The following FOXP1 variants were observed in gnomAD, a reference collection of about 807,000 sequenced individuals.
FOXP1 encodes the protein forkhead box protein P1.
In FOXP1, 15 loss-of-function variants were observed where a neutral mutation model predicts 98.2. The ratio of observed to expected loss-of-function variants is 0.15; its 90% CI spans 0.10 to 0.24. The LOEUF (loss-of-function observed/expected upper bound fraction) is 0.24, where lower values mean the gene tolerates loss of function less well. Among genes scored for constraint, FOXP1 ranks in the 10% least tolerant of loss-of-function variants. The pLI is 1.00. For missense variants in FOXP1, 633 were observed against 848.5 expected, an observed-to-expected ratio of 0.75 and a Z score of 3.15; for synonymous variants, 371 against 314.5, an observed-to-expected ratio of 1.18 and a Z score of -1.90.
At chr3:71,310,951 T>C (rs569453178) in intron 4 of FOXP1, among the ~76,000 whole-genome samples, 75 of 152,360 alleles carry the variant, frequency 4.9e-4, no homozygotes, top group South Asian at 2.5e-3. Flanking sequence ...TGTTTGGTTG[T>C]TCTGGGCAAA....
At chr3:71,426,788 C>T (rs1382390619) in intron 3 of FOXP1, among the ~76,000 whole-genome samples, 1 of 152,138 alleles carries the variant, frequency 6.6e-6, no homozygotes, top group Non-Finnish European at 1.5e-5. Flanking sequence ...TGCAGCCAGG[C>T]GCGGTGGCTC....
In FOXP1 at chr3:71,252,241, T is replaced by C. The variant is rs187590296; in HGVS notation, c.-12+47579A>G. Among the ~76,000 whole-genome samples, 193 of 152,222 alleles carry C rather than the reference T, an allele frequency of 1.3e-3. 2 individuals are homozygous for C. The highest frequency in any genetic ancestry group is 4.3e-3 in the African/African-American group (178 of 41,516). On this transcript the variant is annotated intron_variant, in intron 5 of 20. Transcript: ENST00000649528. Reference sequence around the variant, plus strand: ...CCATCTTGTGGCCCAGAGGGAAAAGTTGAAGGAATCAAAGAGCTTCCCTAA... The same window carrying C: ...CCATCTTGTGGCCCAGAGGGAAAAGCTGAAGGAATCAAAGAGCTTCCCTAA...
chr3:71,250,576 T>A (rs897462182), intron 5 of FOXP1, among the ~76,000 whole-genome samples: 3 of 152,218 alleles, frequency 2.0e-5, no homozygotes, highest in Non-Finnish European at 4.4e-5. Flanking sequence ...TACAAAATTC[T>A]TCATATTCAT....
At chr3:71,079,112 A>G (rs991970522) in intron 7 of FOXP1, among the ~76,000 whole-genome samples, 21 of 152,192 alleles carry the variant, frequency 1.4e-4, no homozygotes, top group African/African-American at 4.8e-4. Flanking sequence ...AAGGCCACCC[A>G]CTCTGTCTTG....
At chr3:71,405,184 C>T (rs1424825135) in intron 3 of FOXP1, among the ~76,000 whole-genome samples, 1 of 152,148 alleles carries the variant, frequency 6.6e-6, no homozygotes, top group Non-Finnish European at 1.5e-5. Context: ...AGTCCAGGCT[C>T]CCATGTTTAG....
chr3:71,492,146 C>T (rs183428480), intron 3 of FOXP1, among the ~76,000 whole-genome samples: 1 of 152,188 alleles, frequency 6.6e-6, no homozygotes, highest in Admixed American at 6.5e-5. Flanking sequence ...AACCTACATG[C>T]TTTGTTTTAG....
chr3:71,365,600 G>T (rs936067049), intron 3 of FOXP1, among the ~76,000 whole-genome samples: 9 of 152,200 alleles, frequency 5.9e-5, no homozygotes, highest in African/African-American at 1.9e-4. Context: ...AGATGTCACT[G>T]GAAGAGTGAG....
At chr3:71,019,778 C>T (rs759710465) in intron 11 of FOXP1, among the ~76,000 whole-genome samples, 3 of 152,010 alleles carry the variant, frequency 2.0e-5, no homozygotes, top group African/African-American at 4.8e-5. Flanking sequence ...TTGCAGTGAG[C>T]CCGATTGCAC....
intron 3 of FOXP1, among the ~76,000 whole-genome samples, chr3:71,364,426 C>T (rs2078775062): frequency 6.6e-6 from 1 of 152,176 alleles, no homozygotes; most frequent in African/African-American, 2.4e-5. Context: ...TTGATTCCCA[C>T]TTTACAGGTA....
intron 13 of FOXP1, among the ~76,000 whole-genome samples, chr3:70,994,976 T>C (rs1338341340): frequency 6.6e-6 from 1 of 152,120 alleles, no homozygotes; most frequent in African/African-American, 2.4e-5. Context: ...AATATGTATC[T>C]GTACCACTGT....
In FOXP1 at chr3:71,136,781, C is replaced by T. The variant is rs576275521; in HGVS notation, c.181-24144G>A. ...TACGCAATTGAAGAACAGGTTTTTA[C>T]ATTTTAAAATCTATTTTTCTTTCTC... On this transcript the variant is annotated intron_variant, in intron 6 of 20. Coordinates refer to ENST00000649528, the MANE Select transcript of FOXP1 (RefSeq NM_001349338.3). Among the ~76,000 whole-genome samples the T allele has an allele frequency of 3.3e-5, 5 of 150,166 alleles. No individual in the cohort carries two copies. The East Asian group carries it at 7.9e-4, about 24-fold the overall frequency.
intron 11 of FOXP1, among the ~76,000 whole-genome samples, chr3:71,032,237 T>C (rs1051716321): frequency 2.6e-5 from 4 of 152,244 alleles, no homozygotes; most frequent in South Asian, 2.1e-4. Flanking sequence ...CCCGGGGGGA[T>C]TGTCCCATAT....
chr3:71,205,175 G>C (rs1245878631), intron 5 of FOXP1, among the ~76,000 whole-genome samples: 1 of 152,156 alleles, frequency 6.6e-6, no homozygotes, highest in Non-Finnish European at 1.5e-5. Flanking sequence ...GTCCTGGTCT[G>C]ATAAGGGACG....
intron 2 of FOXP1, among the ~76,000 whole-genome samples, chr3:71,554,336 GA>G (rs1219969590): frequency 6.6e-6 from 1 of 152,196 alleles, no homozygotes; most frequent in African/African-American, 2.4e-5. Flanking sequence ...CTGGGTGACA[GA>G]GGGGGACTCT....
chr3:71,283,879 G>C (rs2071824113), intron 5 of FOXP1, among the ~76,000 whole-genome samples: 1 of 151,878 alleles, frequency 6.6e-6, no homozygotes, highest in Non-Finnish European at 1.5e-5. Context: ...CTGGTACAAG[G>C]GCCACTGGTA....
chr3:71,417,023 A>G (rs757374594), intron 3 of FOXP1, among the ~76,000 whole-genome samples: 2 of 152,220 alleles, frequency 1.3e-5, no homozygotes. Flanking sequence ...GGAACCAGTC[A>G]GTCTCTGATA....
chr3:71,138,375 G>A (rs1260028706), intron 6 of FOXP1, among the ~76,000 whole-genome samples: 1 of 152,072 alleles, frequency 6.6e-6, no homozygotes. Context: ...TACAGTGCAT[G>A]TAACCTTTGT....
chr3:71,458,608 C>T (rs2087725396), intron 3 of FOXP1, among the ~76,000 whole-genome samples: 1 of 152,170 alleles, frequency 6.6e-6, no homozygotes, highest in African/African-American at 2.4e-5. Context: ...ATTTACCTAT[C>T]CATTTAGCAA....
At chr3:71,056,202 C>T (rs1264544267) in intron 7 of FOXP1, among the ~76,000 whole-genome samples, 1 of 152,148 alleles carries the variant, frequency 6.6e-6, no homozygotes, top group Non-Finnish European at 1.5e-5. Context: ...TTAAAAGTTA[C>T]ATATGTCTCC....
Sources: allele counts gnomAD v4.1 joint callset (sites outside exome capture counted in the v4.1 genomes callset), GRCh38; gene constraint gnomAD v4.1.1; transcripts MANE v1.5; gene names NCBI Gene and HGNC (gene_info 2026-07-23, HGNC 2026-07-21).